ITGA1: variants seen among roughly 807,000 people sequenced by gnomAD.
The protein encoded by ITGA1 is integrin subunit alpha 1, also known as integrin alpha-1.
A neutral mutation model predicts 145.9 loss-of-function variants in ITGA1; 85 were observed. That is an observed-to-expected ratio of 0.58 (90% CI 0.49 to 0.70). The LOEUF (loss-of-function observed/expected upper bound fraction) is 0.70, where lower values mean the gene tolerates loss of function less well. Among genes scored for constraint, ITGA1 ranks in the 30% least tolerant of loss-of-function variants. ITGA1 has a pLI of 0.00. For missense variants in ITGA1, 1,351 were observed against 1,418.7 expected (o/e 0.95, Z 0.77); for synonymous variants, 520 against 495.3 (o/e 1.05, Z -0.66).
At chr5:52,812,389 T>C (rs949579162) in intron 1 of ITGA1, among the ~76,000 whole-genome samples, 3 of 152,120 alleles carry the variant, frequency 2.0e-5, no homozygotes, top group African/African-American at 7.2e-5. Context: ...CATTTTGGGG[T>C]GCAAGGATTG....
At chr5:52,911,324 T>TGTATATAGTGTATATATA (rs1180823971) in intron 14 of ITGA1, among the ~76,000 whole-genome samples, 11 of 134,436 alleles carry the variant, frequency 8.2e-5, no homozygotes, top group Non-Finnish European at 1.2e-4. Flanking sequence ...GTATATATAG[T>TGTATATAGTGTATATATA]GTATATAGTG....
At chr5:52,904,497 G>A (rs1561243220) in intron 11 of ITGA1, 1 of 151,612 alleles carries the variant, frequency 6.6e-6, no homozygotes, top group Non-Finnish European at 1.5e-5. Flanking sequence ...TAAAATATAT[G>A]CAAATAAAAT....
chr5:52,911,571 ATAC>A (rs1750534960), intron 14 of ITGA1, among the ~76,000 whole-genome samples: 3 of 55,176 alleles, frequency 5.4e-5, no homozygotes, highest in African/African-American at 1.7e-4. Flanking sequence ...TCTACTATAT[ATAC>A]TATATATATA....
chr5:52,824,125 A>G (rs1330686350), intron 1 of ITGA1, among the ~76,000 whole-genome samples: 1 of 152,026 alleles, frequency 6.6e-6, no homozygotes, highest in Non-Finnish European at 1.5e-5. Flanking sequence ...ATATATAGTA[A>G]TCATTAAATC....
At chr5:52,801,290 A>G in intron 1 of ITGA1, 1 of 1,137,944 alleles carries the variant, frequency 8.8e-7, no homozygotes. Context: ...AAATTTATGG[A>G]GTAAACTTCG....
intron 7 of ITGA1, among the ~76,000 whole-genome samples, chr5:52,887,497 C>G (rs1750073142): frequency 6.6e-6 from 1 of 152,208 alleles, no homozygotes; most frequent in South Asian, 2.1e-4. Context: ...GTTTACAGAT[C>G]TGGCCTTCTC....
intron 1 of ITGA1, among the ~76,000 whole-genome samples, chr5:52,790,274 T>C (rs1430120525): frequency 3.3e-5 from 5 of 152,226 alleles, no homozygotes; most frequent in Admixed American, 3.3e-4. Context: ...TGGTTCTTTG[T>C]TGCCTTTAAG....
At chr5:52,881,802 A>G (rs935227536) in intron 6 of ITGA1, 71 bp from the exon 7 acceptor site, 5 of 1,403,918 alleles carry the variant, frequency 3.6e-6, no homozygotes, top group Admixed American at 2.0e-5. Context: ...TCTGATTCAC[A>G]TGGTTAACCT....
At chr5:52,947,635 CAACTT>C (rs1751155793) in intron 28 of ITGA1, among the ~76,000 whole-genome samples, 174 bp downstream of exon 28, 1 of 152,070 alleles carries the variant, frequency 6.6e-6, no homozygotes, top group Admixed American at 6.6e-5. Flanking sequence ...ACACTGCACA[CAACTT>C]GACCCAATTT....
chr5:52,909,350 A>G (rs1370565759), intron 13 of ITGA1, among the ~76,000 whole-genome samples: 1 of 152,230 alleles, frequency 6.6e-6, no homozygotes, highest in East Asian at 1.9e-4. Flanking sequence ...TGGGAGGCTT[A>G]TCAGCTCTGG....
intron 6 of ITGA1, among the ~76,000 whole-genome samples, chr5:52,880,090 T>C (rs190166787): frequency 5.6e-4 from 85 of 152,330 alleles, no homozygotes; most frequent in Non-Finnish European, 2.8e-4. Flanking sequence ...CAGCAGAAGC[T>C]AGCAGGTTGA....
chr5:52,896,076 G>C (rs1326273226), intron 9 of ITGA1, among the ~76,000 whole-genome samples: 2 of 152,172 alleles, frequency 1.3e-5, no homozygotes, highest in Non-Finnish European at 2.9e-5. Flanking sequence ...TGAGCACTGG[G>C]AGAAAATGCC....
At chr5:52,937,048 T>TA (rs3841535) in intron 23 of ITGA1, among the ~76,000 whole-genome samples, 1,347 of 121,836 alleles carry the variant, frequency 0.011, 18 homozygotes, top group African/African-American at 0.031. Context: ...ACTGGTATGT[T>TA]AAAAAAAAAA....
At chr5:52,861,768 GA>G (rs1464704180) in intron 3 of ITGA1, among the ~76,000 whole-genome samples, 8 of 151,348 alleles carry the variant, frequency 5.3e-5, no homozygotes, top group African/African-American at 1.9e-4. Flanking sequence ...TACTCAAGAG[GA>G]TGAAGTGTGA....
At chr5:52,839,050 T>C (rs894387197) in intron 1 of ITGA1, among the ~76,000 whole-genome samples, 3 of 152,118 alleles carry the variant, frequency 2.0e-5, no homozygotes, top group African/African-American at 7.2e-5. Context: ...TGAGCCATGA[T>C]TGCACCACTG....
intron 1 of ITGA1, among the ~76,000 whole-genome samples, chr5:52,821,315 G>A (rs11952559): frequency 0.26 from 38,965 of 151,822 alleles, 5,347 homozygotes; most frequent in Non-Finnish European, 0.3. Flanking sequence ...AATCTGTTCC[G>A]AAGTCTAGGA....
chr5:52,794,316 C>A (rs540970832), intron 1 of ITGA1, among the ~76,000 whole-genome samples: 8 of 151,894 alleles, frequency 5.3e-5, no homozygotes, highest in African/African-American at 1.4e-4. Flanking sequence ...ATCATATATC[C>A]TTACTACAAA....
chr5:52,930,437 AG>A (rs1227339768), intron 21 of ITGA1, among the ~76,000 whole-genome samples: 6 of 152,198 alleles, frequency 3.9e-5, no homozygotes, highest in Non-Finnish European at 7.4e-5. Flanking sequence ...AGTCACTGTA[AG>A]GAATATAAAA....
chr5:52,807,505 A>T (rs577795166), intron 1 of ITGA1, among the ~76,000 whole-genome samples: 1 of 152,322 alleles, frequency 6.6e-6, no homozygotes, highest in Non-Finnish European at 1.5e-5. Context: ...CACCCTAAAA[A>T]ATCTAAGAAT....
Sources: gnomAD v4.1 joint callset for allele counts (sites outside exome capture counted in the v4.1 genomes callset) on GRCh38, gnomAD v4.1.1 for gene constraint, MANE v1.5 for transcripts, NCBI Gene and HGNC (gene_info 2026-07-23, HGNC 2026-07-21) for gene names.